The following BSN variants were observed in gnomAD, a reference collection of about 807,000 sequenced individuals.
BSN encodes the protein bassoon presynaptic cytomatrix protein, also known as protein bassoon.
Under a neutral mutation model 264.8 loss-of-function variants are expected in BSN, and 57 were observed. The ratio of observed to expected loss-of-function variants is 0.22; its 90% CI spans 0.17 to 0.27. The LOEUF (loss-of-function observed/expected upper bound fraction) is 0.27, where lower values mean the gene tolerates loss of function less well. Ranked by LOEUF, BSN falls within the 10% of genes least tolerant of loss-of-function variation. The pLI is 1.00. For synonymous variants in BSN, 2,059 were observed against 2,137.3 expected (o/e 0.96, Z 1.01); for missense variants, 4,615 against 5,232.5 (o/e 0.88, Z 3.64).
Position 49,622,324 on chromosome 3 carries a change from G to A in BSN, c.225-2651G>A, listed in dbSNP as rs528704265. ...AATACAAAGACCGTGGACATATATCGCGATCTCCAGGTGTCATGATGGCTA... is the reference window on the plus strand; with the variant it reads ...AATACAAAGACCGTGGACATATATCACGATCTCCAGGTGTCATGATGGCTA... On this transcript the variant is annotated intron_variant, in intron 1 of 11. Transcript: ENST00000296452. 3.9e-5 allele frequency among the ~76,000 whole-genome samples: 6 copies of A among 152,206 alleles called. No homozygotes were observed. The East Asian group carries it at 5.8e-4, about 15-fold the overall frequency.
In BSN at chr3:49,642,441, A is replaced by T; in HGVS notation, c.807A>T (p.Pro269=). 6.3e-7 allele frequency: 1 copy of T among 1,598,060 alleles called. No homozygotes were observed. ...CAGACCAAGAGAGATCTCGGGGCCC[A>T]GGAGGACCACAGCCTGGGTCCCGCC... ...GKPDQERSRG[P]GGPQPGSRQA... Residue 269 remains proline, a synonymous_variant, in exon 3 of 12, where the codon CCA becomes CCT. Transcript: ENST00000296452. This position sits in a 1 kb window ranked among gnomAD's most constrained non-coding sequence, Gnocchi z 7.0.
rs2052591241 is a variant in BSN at position 49,655,537 on chromosome 3, T to C, written c.5981T>C (p.Leu1994Pro). 1 of 1,612,324 alleles carries C rather than the reference T, an allele frequency of 6.2e-7. No individual in the cohort carries two copies. Among genetic ancestry groups the C allele is most frequent in the Non-Finnish European group, 8.5e-7 (1 of 1,179,228 alleles). The change falls in exon 5 of 12, where the codon CTC (leucine) becomes CCC (proline). Residue 1994 changes from leucine to proline, a missense_variant. This residue lies in a region of BSN where 3,415 missense variants were observed against 3,866.4 expected (regional missense o/e 0.88). Coordinates refer to ENST00000296452, the MANE Select transcript of BSN (RefSeq NM_003458.4). ...GACACCAATTTGGCTGAGGCTGGCCTCAACTACCATGCCCAGAGGATCGGG... is the reference window on the plus strand; with the variant it reads ...GACACCAATTTGGCTGAGGCTGGCCCCAACTACCATGCCCAGAGGATCGGG... ...MSDTNLAEAG[L>P]NYHAQRIGQL...
intron 1 of BSN, among the ~76,000 whole-genome samples, chr3:49,571,475 G>T (rs938597828): frequency 6.6e-6 from 1 of 152,114 alleles, no homozygotes; most frequent in Admixed American, 6.5e-5. Flanking sequence ...GGGGAGACGG[G>T]GGTGGGCAGC....
In BSN at chr3:49,655,613, G is replaced by A. The variant is rs929273923; in HGVS notation, c.6057G>A (p.Leu2019=). 9.3e-6 allele frequency: 15 copies of A among 1,613,586 alleles called. No homozygotes were observed. Among genetic ancestry groups the A allele is most frequent in the Admixed American group, 1.7e-5 (1 of 60,010 alleles). Reference sequence around the variant, plus strand: ...ACTCGGCTATGGACCTCAGCTCACTGAAGCACTCCTACAGCCTGGGCTTTG... The same window carrying A: ...ACTCGGCTATGGACCTCAGCTCACTAAAGCACTCCTACAGCCTGGGCTTTG... The part of the protein sequence containing the change: ...GRDSAMDLSS[L]KHSYSLGFAD... Residue 2019 remains leucine, a synonymous_variant, in exon 5 of 12, where the codon CTG becomes CTA. Transcript: ENST00000296452.
At position 49,651,968 on chromosome 3, in the gene BSN, C is replaced by T. The variant is rs544564146; in HGVS notation, c.2412C>T (p.Asp804=). The T allele has an allele frequency of 1.7e-5, 27 of 1,613,382 alleles. No individual in the cohort carries two copies. Among genetic ancestry groups the T allele is most frequent in the Admixed American group, 1.5e-4 (9 of 59,992 alleles). Residue 804 remains aspartate (D), a synonymous_variant, in exon 5 of 12, where the codon GAC becomes GAT. Coordinates refer to ENST00000296452, the MANE Select transcript of BSN (RefSeq NM_003458.4). The surrounding 1 kb of genome is among the most constrained non-coding windows in gnomAD (Gnocchi z 5.4). ...REQQDTAESS[D]DFGSQLRHDY... Reference sequence around the variant, plus strand: ...AGCAGGACACTGCCGAGTCCTCAGACGACTTTGGCAGCCAATTGAGGCACG... The same window carrying T: ...AGCAGGACACTGCCGAGTCCTCAGATGACTTTGGCAGCCAATTGAGGCACG...
rs1399483290 is a variant in BSN, at chr3:49,661,020, C to T, written c.9175C>T (p.Pro3059Ser). 1.2e-6 allele frequency: 2 copies of T among 1,611,346 alleles called. No individual in the cohort carries two copies. The highest frequency in any genetic ancestry group is 4.5e-5 in the East Asian group (2 of 44,884). ...CTTCCAGCAGCCCCGCTTCCAGCCT[C>T]CAGCCCCACAGTATTCTGCAGGCAG... ...TAFQQPRFQP[P>S]APQYSAGSGG... The change falls in exon 6 of 12, where the codon CCA becomes TCA. Residue 3059 changes from proline (P) to serine (S), a missense_variant. This residue lies in a region of BSN where 3,415 missense variants were observed against 3,866.4 expected (regional missense o/e 0.88). Coordinates refer to ENST00000296452, the MANE Select transcript of BSN (RefSeq NM_003458.4).
At chr3:49,572,504 G>C (rs1049268982) in intron 1 of BSN, among the ~76,000 whole-genome samples, 1 of 152,194 alleles carries the variant, frequency 6.6e-6, no homozygotes, top group Non-Finnish European at 1.5e-5. Flanking sequence ...GGACAAGAAT[G>C]AGGAATCAGG....
intron 1 of BSN, among the ~76,000 whole-genome samples, chr3:49,567,714 T>A (rs1040272609): frequency 3.3e-5 from 5 of 152,200 alleles, no homozygotes; most frequent in Non-Finnish European, 5.9e-5. Flanking sequence ...CTGTGTAACA[T>A]GTTAACCCAA....
chr3:49,651,697 CAG>C lies in BSN; in HGVS notation c.2142_2143del (p.Gly715AlafsTer29). 6.2e-7 allele frequency: 1 copy of C among 1,614,032 alleles called. No homozygotes were observed. The highest frequency in any genetic ancestry group is 8.5e-7 in the Non-Finnish European group (1 of 1,180,000). ...GAACAGCTGGACAGTGCAGGGGTGACAGGGCCACATCCACCCAGCCCCTCCGA... is the reference window on the plus strand; with the variant it reads ...GAACAGCTGGACAGTGCAGGGGTGACGGCCACATCCACCCAGCCCCTCCGA... On this transcript the variant is annotated frameshift_variant, in exon 5 of 12. Transcript: ENST00000296452. LOFTEE classifies it high-confidence loss of function. The surrounding 1 kb of genome is among the most constrained non-coding windows in gnomAD (Gnocchi z 5.4).
At chr3:49,666,111 C>T (rs146331023) in intron 11 of BSN, among the ~76,000 whole-genome samples, 2 of 152,388 alleles carry the variant, frequency 1.3e-5, no homozygotes, top group East Asian at 1.9e-4. Context: ...CCATAGCCCT[C>T]GGACCCTCCT....
chr3:49,581,464 A>G (rs542606647), intron 1 of BSN, among the ~76,000 whole-genome samples: 8 of 152,166 alleles, frequency 5.3e-5, no homozygotes, highest in Non-Finnish European at 1.2e-4. Context: ...CTATTTTATT[A>G]TTAGTTATTG....
chr3:49,605,878 A>G (rs1476581812), intron 1 of BSN, among the ~76,000 whole-genome samples: 2 of 84,578 alleles, frequency 2.4e-5, no homozygotes, highest in Non-Finnish European at 4.0e-5. Context: ...CTATTTATAT[A>G]TAGATATAAA....
intron 1 of BSN, among the ~76,000 whole-genome samples, chr3:49,557,575 G>GT (rs765139121): frequency 0.026 from 3,474 of 132,390 alleles, 168 homozygotes; most frequent in African/African-American, 0.076. Context: ...GCACCTGTCA[G>GT]TTTTTTTTTT....
intron 5 of BSN, among the ~76,000 whole-genome samples, chr3:49,659,753 T>C (rs1575451555): frequency 6.6e-6 from 1 of 151,822 alleles, no homozygotes. Context: ...CTGCTGGAGG[T>C]AGGGCTGGAT....
At chr3:49,658,676 G>T (rs1289611857) in intron 5 of BSN, among the ~76,000 whole-genome samples, 15 of 152,192 alleles carry the variant, frequency 9.9e-5, no homozygotes, top group African/African-American at 3.6e-4. Context: ...ACACCCCTAT[G>T]GCCTAGCACT....
In BSN at chr3:49,627,377, CGCTTCTCTAGAGTTG is replaced by C. The variant is rs547274992; in HGVS notation, c.633+1999_633+2013del. On this transcript the variant is annotated intron_variant, in intron 2 of 11. Transcript: ENST00000296452. ...TGCTGGGGTTTTCAGGTAGAACCTTCGCTTCTCTAGAGTTGGCTTTCAGTGGTGTTCTTGTTAAGG... is the reference window on the plus strand; with the variant it reads ...TGCTGGGGTTTTCAGGTAGAACCTTCGCTTTCAGTGGTGTTCTTGTTAAGG... Among the ~76,000 whole-genome samples, 219 of 152,272 alleles carry C rather than the reference CGCTTCTCTAGAGTTG, an allele frequency of 1.4e-3. 3 individuals carry two copies. Among genetic ancestry groups the C allele is most frequent in the African/African-American group, 4.7e-3 (194 of 41,550 alleles).
downstream of BSN, among the ~76,000 whole-genome samples, chr3:49,672,438 G>A (rs1303498848): frequency 6.6e-6 from 1 of 150,860 alleles, no homozygotes; most frequent in Admixed American, 6.6e-5. Flanking sequence ...ATACAGTCCT[G>A]TACATACTGA....
intron 1 of BSN, among the ~76,000 whole-genome samples, chr3:49,594,455 G>T (rs1293209858): frequency 6.6e-6 from 1 of 152,150 alleles, no homozygotes; most frequent in Non-Finnish European, 1.5e-5. Flanking sequence ...AGTTGGTTTT[G>T]CAGCTTTATA....
At position 49,654,204 on chromosome 3, in the gene BSN, T is replaced by A. The variant is rs775701745; in HGVS notation, c.4648T>A (p.Ser1550Thr). Reference protein sequence around the residue: ...PSTPRLVWQESSQEAPFMVIT... With the variant: ...PSTPRLVWQETSQEAPFMVIT... ...CACGCCTCGCCTGGTGTGGCAGGAG[T>A]CCTCTCAAGAGGCTCCCTTTATGGT... is the stretch of plus-strand genomic sequence containing the variant. Residue 1550 changes from serine to threonine, a missense_variant, in exon 5 of 12, where the codon TCC (serine) becomes ACC (threonine). By Grantham distance (58) the Ser-to-Thr change is moderately conservative (BLOSUM62 1). Coordinates refer to ENST00000296452, the MANE Select transcript of BSN (RefSeq NM_003458.4). This position sits in a 1 kb window ranked among gnomAD's most constrained non-coding sequence, Gnocchi z 4.1. 8 of 1,613,280 alleles carry A rather than the reference T, an allele frequency of 5.0e-6. No homozygotes were observed. The East Asian group carries it at 1.8e-4, about 36-fold the overall frequency.
Sources: gnomAD v4.1 joint callset for allele counts (sites outside exome capture counted in the v4.1 genomes callset) on GRCh38, gnomAD v4.1.1 for gene constraint, gnomAD v4.1.1 regional missense constraint, Gnocchi (gnomAD v3.1) non-coding constraint, MANE v1.5 for transcripts, NCBI Gene and HGNC (gene_info 2026-07-23, HGNC 2026-07-21) for gene names.